GPR26: variants seen among roughly 807,000 people sequenced by gnomAD.
The protein encoded by GPR26 is G protein-coupled receptor 26.
In GPR26, 15 loss-of-function variants were observed where a neutral mutation model predicts 23.1. That is an observed-to-expected ratio of 0.65 (90% CI 0.43 to 1.00). The LOEUF is 1.00. Ranked by LOEUF, GPR26 falls within the 50% of genes least tolerant of loss-of-function variation. The probability of loss-of-function intolerance (pLI) is 0.00; values close to 1 mark genes in which losing one functional copy is unlikely to be tolerated. For missense variants in GPR26, 359 were observed against 470.5 expected (o/e 0.76, Z 2.19); for synonymous variants, 228 against 222.1 (o/e 1.03, Z -0.24).
At chr10:123,682,374 A>T (rs1181915888) in intron 2 of GPR26, among the ~76,000 whole-genome samples, 2 of 152,188 alleles carry the variant, frequency 1.3e-5, no homozygotes, top group Non-Finnish European at 2.9e-5. Context: ...AGCCGCCTGC[A>T]CTTGTGTACT....
rs1403201058 is a variant in GPR26 at position 123,674,885 on chromosome 10, T to C, written c.736T>C (p.Phe246Leu). Residue 246 changes from phenylalanine to leucine, a missense_variant, in exon 2 of 3, where the codon TTC becomes CTC. Transcript: ENST00000284674. This position sits in a 1 kb window ranked among gnomAD's most constrained non-coding sequence, Gnocchi z 4.1. ...GCGAGCCACCAAGAAGATCAGCACC[T>C]TCATAGGGACCTTCCTTGTGTGCTT... ...RQRATKKISTFIGTFLVCFAP... is the reference protein window; with the variant it reads ...RQRATKKISTLIGTFLVCFAP... 6.2e-7 allele frequency: 1 copy of C among 1,613,680 alleles called. No individual in the cohort carries two copies. Among genetic ancestry groups the C allele is most frequent in the Admixed American group, 1.7e-5 (1 of 60,032 alleles).
Position 123,666,762 on chromosome 10 carries a change from C to A in GPR26, c.355C>A (p.Arg119Ser). 1 of 1,601,102 alleles carries A rather than the reference C, an allele frequency of 6.2e-7. No individual in the cohort carries two copies. The highest frequency in any genetic ancestry group is 8.5e-7 in the Non-Finnish European group (1 of 1,177,168). The change falls in exon 1 of 3, where the codon CGC becomes AGC. Residue 119 changes from arginine to serine, a missense_variant. Arg to Ser is a moderately radical substitution (Grantham distance 110). Transcript: ENST00000284674. Reference protein sequence around the residue: ...VFPLSYRAKMRLRDAALMVAY... With the variant: ...VFPLSYRAKMSLRDAALMVAY... ...CCCGCTGAGCTACCGGGCCAAGATG[C>A]GCCTCCGCGACGCGGCGCTCATGGT...
At chr10:123,671,321 C>T (rs1845247510) in intron 1 of GPR26, among the ~76,000 whole-genome samples, 1 of 152,240 alleles carries the variant, frequency 6.6e-6, no homozygotes, top group African/African-American at 2.4e-5. Flanking sequence ...TTCCACCCCA[C>T]ATGTCATAAT....
chr10:123,682,639 C>G (rs965335696), intron 2 of GPR26, among the ~76,000 whole-genome samples: 40 of 152,250 alleles, frequency 2.6e-4, no homozygotes, highest in African/African-American at 9.4e-4. Flanking sequence ...ATGCTCTCCA[C>G]AGCGATCTAC....
Position 123,696,690 on chromosome 10 carries a change from G to A in GPR26, c.*8530G>A, listed in dbSNP as rs144930423. Among the ~76,000 whole-genome samples, 1,034 of 152,308 alleles carry A rather than the reference G, an allele frequency of 6.8e-3. 12 individuals carry two copies. The highest frequency in any genetic ancestry group is 0.024 in the African/African-American group (982 of 41,562). ...CAATCCCTTAATGTCAGACTCTTAG[G>A]AAAATGGGTGGGACATCTGTGTGTT... On this transcript the variant is annotated 3_prime_UTR_variant, in exon 3 of 3. Coordinates refer to ENST00000284674, the MANE Select transcript of GPR26 (RefSeq NM_153442.4).
Position 123,666,665 on chromosome 10 carries a change from C to A in GPR26, c.258C>A (p.Asp86Glu). 1 of 1,599,324 alleles carries A rather than the reference C, an allele frequency of 6.3e-7. No homozygotes were observed. The change falls in exon 1 of 3, where the codon GAC (aspartate) becomes GAA (glutamate). Residue 86 changes from aspartate to glutamate, a missense_variant. Physicochemically the swap from Asp to Glu is conservative, Grantham distance 45 (BLOSUM62 2). Transcript: ENST00000284674. ...TGTGCCGCCTGGCTGCCTTCCTCGA[C>A]ACCTTCCTGGCTGCCAACTCCATGC... is the stretch of plus-strand genomic sequence containing the variant. ...DRLCRLAAFL[D>E]TFLAANSMLS...
rs1330801619 is a variant in GPR26, at chr10:123,687,973, G to T, written c.827G>T (p.Gly276Val). ...FSTVPIGSHW[G>V]VLSKCLAYSK... ...ACGGTGCCCATCGGCTCCCACTGGG[G>T]GGTGCTGTCCAAGTGCTTGGCGTAC... Residue 276 changes from glycine to valine, a missense_variant, in exon 3 of 3, where the codon GGG becomes GTG. Gly to Val is a moderately radical substitution (Grantham distance 109). Coordinates refer to ENST00000284674, the MANE Select transcript of GPR26 (RefSeq NM_153442.4). 6.2e-7 allele frequency: 1 copy of T among 1,613,896 alleles called. No individual in the cohort carries two copies.
intron 2 of GPR26, among the ~76,000 whole-genome samples, chr10:123,683,558 C>A (rs1845401277): frequency 6.6e-6 from 1 of 152,208 alleles, no homozygotes; most frequent in African/African-American, 2.4e-5. Context: ...GGCAGACATG[C>A]CTCCCTCCTG....
At chr10:123,677,026 AGGGCACACAGAG>A (rs1430183403) in intron 2 of GPR26, among the ~76,000 whole-genome samples, 1 of 152,206 alleles carries the variant, frequency 6.6e-6, no homozygotes, top group African/African-American at 2.4e-5. Context: ...TCAGACAGGG[AGGGCACACAGAG>A]TGCCTCCTCT....
chr10:123,682,089 A>C (rs559564518), intron 2 of GPR26, among the ~76,000 whole-genome samples: 34 of 152,336 alleles, frequency 2.2e-4, no homozygotes, highest in African/African-American at 7.9e-4. Context: ...GAGAAGCCAC[A>C]TGTGTATGTT....
intron 2 of GPR26, among the ~76,000 whole-genome samples, chr10:123,680,849 G>GT (rs139650165): frequency 0.29 from 30,873 of 107,876 alleles, 4,996 homozygotes; most frequent in Non-Finnish European, 0.32. Context: ...TTGTTTTTTT[G>GT]TTTTTTTTGA....
Position 123,688,811 on chromosome 10 carries a change from T to C in GPR26, c.*651T>C. Reference sequence around the variant, plus strand: ...TAGAAATGGTCAATTGGATTCAACTTTAGTCCTCTCCTTCCCCCTAAAAGC... The same window carrying C: ...TAGAAATGGTCAATTGGATTCAACTCTAGTCCTCTCCTTCCCCCTAAAAGC... On this transcript the variant is annotated 3_prime_UTR_variant, in exon 3 of 3. Transcript: ENST00000284674. 1 of 153,708 alleles carries C rather than the reference T, an allele frequency of 6.5e-6. No individual in the cohort carries two copies. The highest frequency in any genetic ancestry group is 1.4e-5 in the Non-Finnish European group (1 of 69,060). The allele number at this position is 153,708 out of a possible 1,614,324, so 9.5% of individuals were successfully genotyped here. A position where few individuals can be genotyped will look rare whatever the true frequency, so the allele number is the denominator to read the frequency against.
At position 123,694,222 on chromosome 10, in the gene GPR26, A is replaced by G; in HGVS notation, c.*6062A>G. ...AGGAGGGTTCTGGAAGGCTTCTCAG[A>G]GGTAGTGGCATTGGGCCAGAACTTA... On this transcript the variant is annotated 3_prime_UTR_variant, in exon 3 of 3. Transcript: ENST00000284674. The G allele has an allele frequency of 6.5e-6, 1 of 153,184 alleles. No individual in the cohort carries two copies. Among genetic ancestry groups the G allele is most frequent in the Non-Finnish European group, 1.5e-5 (1 of 68,640 alleles). The allele number at this position is 153,184 out of a possible 1,614,324, so 9.5% of individuals were successfully genotyped here.
intron 2 of GPR26, among the ~76,000 whole-genome samples, chr10:123,682,766 G>C (rs1053483871): frequency 4.6e-5 from 7 of 152,148 alleles, no homozygotes; most frequent in Admixed American, 2.6e-4. Context: ...AGATGGGAGA[G>C]GGGTCTCATA....
chr10:123,669,371 C>T (rs2133921491), intron 1 of GPR26, among the ~76,000 whole-genome samples: 1 of 152,366 alleles, frequency 6.6e-6, no homozygotes, highest in Non-Finnish European at 1.5e-5. Context: ...AGCCAGTCCA[C>T]CAGCTTCTAT....
intron 2 of GPR26, among the ~76,000 whole-genome samples, chr10:123,686,823 T>C (rs2133931698): frequency 6.6e-6 from 1 of 152,298 alleles, no homozygotes; most frequent in Admixed American, 6.5e-5. Flanking sequence ...TGACTTGCTG[T>C]GTGATATCTG....
rs1845454302 is a variant in GPR26, at chr10:123,688,392, T to C, written c.*232T>C. The C allele has an allele frequency of 1.8e-6, 1 of 543,842 alleles. No individual in the cohort carries two copies. The highest frequency in any genetic ancestry group is 3.3e-6 in the Non-Finnish European group (1 of 301,702). The allele number at this position is 543,842 out of a possible 1,614,324, so 33.7% of individuals were successfully genotyped here. A position where few individuals can be genotyped will look rare whatever the true frequency, so the allele number is the denominator to read the frequency against. Reference sequence around the variant, plus strand: ...TGACTGTAGGCCGTGTGCTGGCCTTTCTTTCTAAGAAGCTGCTTTGAGCTC... The same window carrying C: ...TGACTGTAGGCCGTGTGCTGGCCTTCCTTTCTAAGAAGCTGCTTTGAGCTC... On this transcript the variant is annotated 3_prime_UTR_variant, in exon 3 of 3. Coordinates refer to ENST00000284674, the MANE Select transcript of GPR26 (RefSeq NM_153442.4).
chr10:123,675,798 C>CTGTGTGTGTG (rs57869785), intron 2 of GPR26, among the ~76,000 whole-genome samples: 20,196 of 142,172 alleles, frequency 0.14, 1,659 homozygotes, highest in Non-Finnish European at 0.17. Context: ...GCAGGGTTTT[C>CTGTGTGTGTG]TGTGTGTGTG....
chr10:123,672,073 CCTGTTCT>C (rs2133922970), intron 1 of GPR26, among the ~76,000 whole-genome samples: 1 of 152,272 alleles, frequency 6.6e-6, no homozygotes, highest in South Asian at 2.1e-4. Flanking sequence ...TTGCCACCTC[CCTGTTCT>C]CACCTGGAAA....
Sources: allele counts gnomAD v4.1 joint callset (sites outside exome capture counted in the v4.1 genomes callset), GRCh38; gene constraint gnomAD v4.1.1; non-coding constraint Gnocchi (gnomAD v3.1); transcripts MANE v1.5; gene names NCBI Gene and HGNC (gene_info 2026-07-23, HGNC 2026-07-21).